The following SCRG1 variants were observed in gnomAD, a reference collection of about 807,000 sequenced individuals.
SCRG1 encodes the protein scrapie-responsive protein 1.
SCRG1 carries 3 observed loss-of-function variants against 7.7 expected under a neutral mutation model. The observed-to-expected ratio is 0.39, with a 90% CI of 0.18 to 1.01. SCRG1 has a LOEUF of 1.01. SCRG1 is among the 50% of genes least tolerant of loss of function. The probability of loss-of-function intolerance (pLI) is 0.36; values close to 1 mark genes in which losing one functional copy is unlikely to be tolerated. For synonymous variants in SCRG1, 46 were observed against 41.2 expected, an observed-to-expected ratio of 1.12 and a Z score of -0.44; for missense variants, 110 against 117.2, an observed-to-expected ratio of 0.94 and a Z score of 0.28.
the SCRG1 span, among the ~76,000 whole-genome samples, chr4:173,511,193 G>A: frequency 6.6e-6 from 1 of 152,064 alleles, no homozygotes; most frequent in Non-Finnish European, 1.5e-5. The surrounding 1 kb of genome is among the most constrained non-coding windows in gnomAD (Gnocchi z 5.2). Context: ...GGCCAGGCTG[G>A]TCACGAACTC....
At chr4:173,465,829 C>T in the SCRG1 span, among the ~76,000 whole-genome samples, 1 of 152,104 alleles carries the variant, frequency 6.6e-6, no homozygotes, top group African/African-American at 2.4e-5. Context: ...TCTCTGTCTT[C>T]ATGAGATCCA....
the SCRG1 span, among the ~76,000 whole-genome samples, chr4:173,435,542 A>C: frequency 1.3e-5 from 2 of 152,196 alleles, no homozygotes; most frequent in Non-Finnish European, 2.9e-5. Context: ...TGAGTCTGAG[A>C]TACAGTGACC....
the SCRG1 span, among the ~76,000 whole-genome samples, chr4:173,512,652 G>T: frequency 6.6e-6 from 1 of 152,206 alleles, no homozygotes; most frequent in South Asian, 2.1e-4. Flanking sequence ...ATCCCAGAGA[G>T]CAGAATCCCA....
the SCRG1 span, among the ~76,000 whole-genome samples, chr4:173,423,254 C>T: frequency 2.6e-5 from 4 of 152,108 alleles, no homozygotes; most frequent in Admixed American, 6.5e-5. Flanking sequence ...TAGTAAATGT[C>T]TTTTGAAGAT....
At chr4:173,408,672 A>C (rs1739970915), upstream of SCRG1, among the ~76,000 whole-genome samples, 1 of 152,046 alleles carries the variant, frequency 6.6e-6, no homozygotes, top group South Asian at 2.1e-4. Context: ...CCCTCCCCAT[A>C]GAAATTTTGA....
chr4:173,484,342 TTATATAA>T, the SCRG1 span, among the ~76,000 whole-genome samples: 8 of 65,650 alleles, frequency 1.2e-4, no homozygotes, highest in Non-Finnish European at 2.1e-4. Context: ...ATTTAACATA[TTATATAA>T]TATATAATAT....
At chr4:173,510,010 C>T in the SCRG1 span, among the ~76,000 whole-genome samples, 1 of 152,174 alleles carries the variant, frequency 6.6e-6, no homozygotes, top group Non-Finnish European at 1.5e-5. The surrounding 1 kb of genome is among the most constrained non-coding windows in gnomAD (Gnocchi z 5.7). Flanking sequence ...AGCAATTTCA[C>T]ATTTTAAAGA....
At chr4:173,436,096 A>G in the SCRG1 span, among the ~76,000 whole-genome samples, 2 of 61,304 alleles carry the variant, frequency 3.3e-5, no homozygotes, top group Non-Finnish European at 6.5e-5. Flanking sequence ...AAAAGGATGA[A>G]AAAAACTCCT....
the SCRG1 span, among the ~76,000 whole-genome samples, chr4:173,452,454 T>C: frequency 6.6e-6 from 1 of 152,142 alleles, no homozygotes; most frequent in African/African-American, 2.4e-5. Context: ...CAGTTCAAAC[T>C]TGGGTTGTTC....
the SCRG1 span, among the ~76,000 whole-genome samples, chr4:173,478,057 G>A: frequency 2.0e-5 from 3 of 152,086 alleles, no homozygotes; most frequent in South Asian, 6.2e-4. Flanking sequence ...CTGGATTTTG[G>A]AGATAAATCC....
intron 2 of SCRG1, among the ~76,000 whole-genome samples, chr4:173,390,609 A>AT (rs1739402994): frequency 6.6e-5 from 10 of 151,724 alleles, no homozygotes; most frequent in Admixed American, 5.9e-4. Flanking sequence ...AGTAGCTGGG[A>AT]TTACAGGCAC....
At chr4:173,484,124 T>TAGATA in the SCRG1 span, among the ~76,000 whole-genome samples, 2 of 42,926 alleles carry the variant, frequency 4.7e-5, no homozygotes, top group African/African-American at 1.4e-4. Context: ...TAATATACAA[T>TAGATA]ATATAATATA....
At chr4:173,434,568 C>T in the SCRG1 span, among the ~76,000 whole-genome samples, 22 of 152,262 alleles carry the variant, frequency 1.4e-4, no homozygotes, top group Non-Finnish European at 3.1e-4. Flanking sequence ...TGGTGGCTCA[C>T]GCCTGTAATC....
At chr4:173,427,925 C>T in the SCRG1 span, among the ~76,000 whole-genome samples, 3 of 152,142 alleles carry the variant, frequency 2.0e-5, no homozygotes, top group Non-Finnish European at 2.9e-5. Flanking sequence ...ATGATTTGTC[C>T]TCTGCTCTTT....
At chr4:173,390,722 C>T (rs1193618891) in intron 2 of SCRG1, among the ~76,000 whole-genome samples, 1 of 152,202 alleles carries the variant, frequency 6.6e-6, no homozygotes, top group African/African-American at 2.4e-5. Context: ...CTCCTGACCT[C>T]AGGTGATCTG....
At chr4:173,404,906 T>C (rs945892283) in intron 1 of SCRG1, among the ~76,000 whole-genome samples, 1 of 152,238 alleles carries the variant, frequency 6.6e-6, no homozygotes, top group East Asian at 1.9e-4. Context: ...TAGTTTTTCA[T>C]TTACAGAAAA....
chr4:173,421,416 T>TTGGG, the SCRG1 span, among the ~76,000 whole-genome samples: 17 of 147,370 alleles, frequency 1.2e-4, no homozygotes, highest in Admixed American at 9.3e-4. Flanking sequence ...TTTAGTTTGT[T>TTGGG]GGGGGGGGGT....
chr4:173,397,660 C>T (rs937588819), intron 1 of SCRG1, among the ~76,000 whole-genome samples: 1 of 152,118 alleles, frequency 6.6e-6, no homozygotes, highest in Admixed American at 6.6e-5. Context: ...GGGCATTTAG[C>T]ACAAGCAAGC....
At chr4:173,510,575 G>A in the SCRG1 span, among the ~76,000 whole-genome samples, 6 of 152,114 alleles carry the variant, frequency 3.9e-5, no homozygotes, top group Admixed American at 3.3e-4. The surrounding 1 kb of genome is among the most constrained non-coding windows in gnomAD (Gnocchi z 5.7). Flanking sequence ...CAGAAGCCCC[G>A]TTTCGAGCTA....
Sources: allele counts gnomAD v4.1 joint callset (sites outside exome capture counted in the v4.1 genomes callset), GRCh38; gene constraint gnomAD v4.1.1; non-coding constraint Gnocchi (gnomAD v3.1); transcripts MANE v1.5; gene names NCBI Gene and HGNC (gene_info 2026-07-23, HGNC 2026-07-21).